Variants in PJA2 observed in about 807,000 individuals in gnomAD.
The protein encoded by PJA2 is praja ring finger ubiquitin ligase 2.
A neutral mutation model predicts 69.3 loss-of-function variants in PJA2; 25 were observed. The observed-to-expected ratio is 0.36, with a 90% confidence interval of 0.26 to 0.50. The LOEUF (loss-of-function observed/expected upper bound fraction) is 0.50. Ranked by LOEUF, PJA2 falls within the 20% of genes least tolerant of loss-of-function variation. The pLI is 0.96. For missense variants in PJA2, 809 were observed against 830.2 expected (o/e 0.97, Z 0.31); for synonymous variants, 308 against 277.8 (o/e 1.11, Z -1.08).
At chr5:109,365,951 T>G (rs1762579802) in intron 5 of PJA2, among the ~76,000 whole-genome samples, 1 of 152,316 alleles carries the variant, frequency 6.6e-6, no homozygotes, top group East Asian at 1.9e-4. Flanking sequence ...TTTTCTCCCT[T>G]TGGTCAAAGC....
At position 109,355,924 on chromosome 5, in the gene PJA2, C is replaced by T. The variant is rs1388035183; in HGVS notation, c.1755G>A (p.Gln585=). The change falls in exon 7 of 10, where the codon CAG becomes CAA. Residue 585 remains glutamine (Q), a synonymous_variant. Coordinates refer to ENST00000361189, the MANE Select transcript of PJA2 (RefSeq NM_014819.5). ...TYMALEERLA[Q]AMETALAHLE... is the part of the protein sequence containing the mutation. ...AGAGTTATGAACATACCTCCATAGC[C>T]TGGGCTAAGCGTTCTTCTAGTGCCA... 6.2e-7 allele frequency: 1 copy of T among 1,611,564 alleles called. No individual in the cohort carries two copies. The highest frequency in any genetic ancestry group is 8.5e-7 in the Non-Finnish European group (1 of 1,178,326).
intron 1 of PJA2, chr5:109,409,051 C>G (rs769220891): frequency 6.6e-6 from 1 of 151,972 alleles, no homozygotes; most frequent in Non-Finnish European, 1.5e-5. Context: ...TTACTCTCCT[C>G]CCTGCAAAAC....
intron 1 of PJA2, among the ~76,000 whole-genome samples, chr5:109,401,700 C>G (rs1747555492): frequency 6.6e-6 from 1 of 152,274 alleles, no homozygotes; most frequent in African/African-American, 2.4e-5. Flanking sequence ...ATCTTTGGAA[C>G]TTTGTTACCA....
chr5:109,385,846 G>C lies in PJA2; in HGVS notation c.-87-2326C>G, dbSNP rs376060072. On this transcript the variant is annotated intron_variant, in intron 1 of 9. Transcript: ENST00000361189. ...TGCATATACATAATGAGATATCGTG[G>C]GGATGACATCCAAGTCTAAACAGAA... Among the ~76,000 whole-genome samples the C allele has an allele frequency of 1.6e-4, 24 of 152,212 alleles. No individual in the cohort carries two copies. In the East Asian group the frequency reaches 4.2e-3, roughly 27 times the overall value.
Position 109,387,506 on chromosome 5 carries a change from T to C in PJA2, c.-87-3986A>G, listed in dbSNP as rs367627713. Among the ~76,000 whole-genome samples, 10 of 152,326 alleles carry C rather than the reference T, an allele frequency of 6.6e-5. No individual in the cohort carries two copies. The East Asian group carries it at 1.9e-3, about 29-fold the overall frequency. On this transcript the variant is annotated intron_variant, in intron 1 of 9. Coordinates refer to ENST00000361189, the MANE Select transcript of PJA2 (RefSeq NM_014819.5). ...GATTAGTTGTTTCCTCCAGGTACTA[T>C]TCACCTAACATGTTTATAACAGACT...
chr5:109,367,018 G>A (rs983579137), intron 5 of PJA2, among the ~76,000 whole-genome samples: 10 of 151,568 alleles, frequency 6.6e-5, no homozygotes, highest in Admixed American at 5.9e-4. Context: ...TGTACTCCCC[G>A]CTACTCAGGA....
chr5:109,342,733 C>G (rs1163975714), intron 9 of PJA2, among the ~76,000 whole-genome samples: 51 of 135,132 alleles, frequency 3.8e-4, no homozygotes, highest in Non-Finnish European at 5.9e-4. Context: ...CGGCCAGCCG[C>G]CCCGTCCGGG....
At chr5:109,343,273 CAAAAAAA>C (rs869033444) in intron 9 of PJA2, among the ~76,000 whole-genome samples, 1 of 19,390 alleles carries the variant, frequency 5.2e-5, no homozygotes, top group South Asian at 2.1e-3. Context: ...AAGGGCGGTG[CAAAAAAA>C]AAAAAAAAAA....
chr5:109,397,690 T>A (rs1747447596), intron 1 of PJA2, among the ~76,000 whole-genome samples: 1 of 151,506 alleles, frequency 6.6e-6, no homozygotes, highest in Non-Finnish European at 1.5e-5. Context: ...AGATATTTTT[T>A]GTTTTTTTTT....
intron 1 of PJA2, 64 bp from the exon 2 acceptor site, chr5:109,383,584 T>C (rs1747097578): frequency 6.9e-6 from 4 of 582,672 alleles, no homozygotes; most frequent in Non-Finnish European, 9.0e-6. Context: ...AAACTGATAC[T>C]TCTGCTCCTC....
intron 2 of PJA2, 95 bp from the exon 3 acceptor site, chr5:109,381,798 T>TAAAA: frequency 1.0e-6 from 1 of 995,684 alleles, no homozygotes; most frequent in Non-Finnish European, 1.5e-6. Flanking sequence ...ATTTTATTAT[T>TAAAA]TATCAAATCA....
intron 7 of PJA2, among the ~76,000 whole-genome samples, chr5:109,350,026 G>A (rs548973292): frequency 1.1e-4 from 17 of 152,226 alleles, no homozygotes; most frequent in Non-Finnish European, 2.2e-4. Context: ...AGAAATAAGG[G>A]ATGTTATTTA....
Position 109,378,558 on chromosome 5 carries a change from G to T in PJA2, c.929C>A (p.Pro310His), listed in dbSNP as rs376221894. The T allele has an allele frequency of 2.5e-6, 4 of 1,613,992 alleles. No homozygotes were observed. The highest frequency in any genetic ancestry group is 1.3e-5 in the African/African-American group (1 of 74,904). Residue 310 changes from proline to histidine, a missense_variant, in exon 4 of 10, where the codon CCT becomes CAT. Pro to His is a moderately conservative substitution (Grantham distance 77, BLOSUM62 -2). Coordinates refer to ENST00000361189, the MANE Select transcript of PJA2 (RefSeq NM_014819.5). ...AACTTTTGGCCTCACTACCTGTTCAGGAGAACTTCCATGGTTCTTTTCCCT... is the reference window on the plus strand; with the variant it reads ...AACTTTTGGCCTCACTACCTGTTCATGAGAACTTCCATGGTTCTTTTCCCT... ...NDREKNHGSS[P>H]EQVVRPKVRK...
chr5:109,405,833 G>A (rs1486312078), intron 1 of PJA2, among the ~76,000 whole-genome samples: 1 of 152,076 alleles, frequency 6.6e-6, no homozygotes, highest in African/African-American at 2.4e-5. Context: ...TAAGCAAAGA[G>A]TTCTTAGAAC....
At chr5:109,396,213 T>G (rs1747404819) in intron 1 of PJA2, among the ~76,000 whole-genome samples, 1 of 152,198 alleles carries the variant, frequency 6.6e-6, no homozygotes, top group East Asian at 1.9e-4. Context: ...AGTAAACACT[T>G]CAGTGGATGG....
intron 7 of PJA2, among the ~76,000 whole-genome samples, chr5:109,345,985 T>G (rs1184224015): frequency 6.6e-6 from 1 of 152,214 alleles, no homozygotes; most frequent in Admixed American, 6.5e-5. Flanking sequence ...CCTGTACAAT[T>G]ACTTGCTCTT....
chr5:109,345,061 G>A (rs80226181), intron 7 of PJA2, among the ~76,000 whole-genome samples: 3 of 151,544 alleles, frequency 2.0e-5, no homozygotes, highest in East Asian at 1.9e-4. Context: ...ACCTTGTCTC[G>A]GCCGGGCGCA....
intron 7 of PJA2, among the ~76,000 whole-genome samples, chr5:109,347,798 T>A (rs557467703): frequency 2.0e-5 from 3 of 152,364 alleles, no homozygotes; most frequent in African/African-American, 7.2e-5. Context: ...AATCCTATAT[T>A]CTTTAGAGTT....
intron 1 of PJA2, among the ~76,000 whole-genome samples, chr5:109,393,870 T>C (rs1466802753): frequency 6.6e-6 from 1 of 152,090 alleles, no homozygotes; most frequent in East Asian, 1.9e-4. Flanking sequence ...AAAAAATTCA[T>C]GCTGTATGTT....
Sources: allele counts gnomAD v4.1 joint callset (sites outside exome capture counted in the v4.1 genomes callset), GRCh38; gene constraint gnomAD v4.1.1; transcripts MANE v1.5; gene names NCBI Gene and HGNC (gene_info 2026-07-23, HGNC 2026-07-21).